CNTNAP2: variants seen among roughly 807,000 people sequenced by gnomAD.
CNTNAP2 encodes contactin-associated protein-like 2.
A neutral mutation model predicts 155.2 loss-of-function variants in CNTNAP2; 98 were observed. The observed-to-expected ratio is 0.63, with a 90% CI of 0.54 to 0.75. CNTNAP2 has a LOEUF of 0.75. CNTNAP2 is among the 30% of genes least tolerant of loss of function. The probability of loss-of-function intolerance (pLI) is 0.00; values close to 1 mark genes in which losing one functional copy is unlikely to be tolerated. For missense variants in CNTNAP2, 1,727 were observed against 1,688.1 expected (o/e 1.02, Z -0.40); for synonymous variants, 651 against 631.2 (o/e 1.03, Z -0.47).
In CNTNAP2 at chr7:147,229,102, CT is replaced by C. The variant is rs201671579; in HGVS notation, c.1349-71038del. On this transcript the variant is annotated intron_variant, in intron 8 of 23. Transcript: ENST00000361727. ...AACTCTTAAATCCTAATATGCAAAT[CT>C]AACCTGGGAAAACCATTACACTGGT... Among the ~76,000 whole-genome samples the C allele has an allele frequency of 3.9e-3, 600 of 152,110 alleles. 4 individuals are homozygous for C. The highest frequency in any genetic ancestry group is 0.014 in the African/African-American group (567 of 41,476).
At chr7:146,921,105 G>A (rs1796489486) in intron 3 of CNTNAP2, among the ~76,000 whole-genome samples, 1 of 152,248 alleles carries the variant, frequency 6.6e-6, no homozygotes, top group African/African-American at 2.4e-5. Context: ...ACACAAAACA[G>A]ATCATTGGTT....
chr7:146,219,510 A>G (rs1022946070), intron 1 of CNTNAP2, among the ~76,000 whole-genome samples: 6 of 152,316 alleles, frequency 3.9e-5, no homozygotes, highest in East Asian at 1.9e-4. Context: ...AAACTTTTCC[A>G]TCTTCATAAA....
intron 15 of CNTNAP2, among the ~76,000 whole-genome samples, chr7:148,111,517 CA>C (rs1441027505): frequency 1.4e-5 from 2 of 147,412 alleles, no homozygotes; most frequent in South Asian, 2.1e-4. Context: ...GGAAAAAGAT[CA>C]AAATGTGGAA....
intron 12 of CNTNAP2, among the ~76,000 whole-genome samples, chr7:147,574,242 T>C (rs938220717): frequency 6.6e-6 from 1 of 152,114 alleles, no homozygotes; most frequent in Non-Finnish European, 1.5e-5. Flanking sequence ...AACATCTTTT[T>C]TTCCCTTCTT....
intron 3 of CNTNAP2, among the ~76,000 whole-genome samples, chr7:147,037,185 A>G (rs1259961718): frequency 2.0e-5 from 3 of 152,104 alleles, no homozygotes; most frequent in African/African-American, 4.8e-5. Flanking sequence ...AAATATGAAC[A>G]CTATATTAGA....
intron 1 of CNTNAP2, among the ~76,000 whole-genome samples, chr7:146,206,816 A>G (rs957289011): frequency 6.6e-6 from 1 of 152,024 alleles, no homozygotes; most frequent in East Asian, 1.9e-4. Flanking sequence ...ATGATGCTGT[A>G]TGGTAATGGC....
intron 3 of CNTNAP2, among the ~76,000 whole-genome samples, chr7:146,913,723 G>A (rs189246888): frequency 2.0e-4 from 31 of 151,896 alleles, no homozygotes; most frequent in Admixed American, 9.2e-4. Flanking sequence ...TCCTAATGGC[G>A]TCACATAGAT....
chr7:146,765,473 G>T (rs575432121), intron 1 of CNTNAP2, among the ~76,000 whole-genome samples: 3 of 152,280 alleles, frequency 2.0e-5, no homozygotes, highest in South Asian at 4.1e-4. Context: ...ACTTTGCCTT[G>T]CTTGCTTTTA....
chr7:148,097,329 C>A (rs549710747), intron 15 of CNTNAP2, among the ~76,000 whole-genome samples: 1 of 108,188 alleles, frequency 9.2e-6, no homozygotes, highest in East Asian at 3.0e-4. Context: ...AAATTCAGCT[C>A]GTGTCATTTG....
At chr7:147,543,873 G>A (rs1450863533) in intron 11 of CNTNAP2, among the ~76,000 whole-genome samples, 3 of 152,272 alleles carry the variant, frequency 2.0e-5, no homozygotes, top group Non-Finnish European at 2.9e-5. Flanking sequence ...GAGAGGCTAA[G>A]TAACCTCTTG....
intron 14 of CNTNAP2, among the ~76,000 whole-genome samples, chr7:147,933,494 G>GAGGT (rs1554451554): frequency 8.3e-6 from 1 of 120,656 alleles, no homozygotes; most frequent in Non-Finnish European, 1.8e-5. Context: ...CAGAAAATGT[G>GAGGT]AGATAGATAG....
chr7:147,877,922 TAC>T (rs1213815580), intron 13 of CNTNAP2, among the ~76,000 whole-genome samples: 3 of 152,236 alleles, frequency 2.0e-5, no homozygotes, highest in Non-Finnish European at 4.4e-5. Flanking sequence ...TACCATTTAA[TAC>T]CCTACATTGG....
chr7:147,176,165 T>C (rs1802334659), intron 8 of CNTNAP2, among the ~76,000 whole-genome samples: 1 of 152,192 alleles, frequency 6.6e-6, no homozygotes, highest in African/African-American at 2.4e-5. Context: ...TTTTGGAAGT[T>C]ACTTGGCTCT....
At chr7:146,493,926 C>G (rs1797175038) in intron 1 of CNTNAP2, among the ~76,000 whole-genome samples, 1 of 152,098 alleles carries the variant, frequency 6.6e-6, no homozygotes, top group Non-Finnish European at 1.5e-5. Flanking sequence ...ACAGTGTACC[C>G]TGCTTGAGTG....
intron 1 of CNTNAP2, among the ~76,000 whole-genome samples, chr7:146,627,837 T>TG (rs1799445308): frequency 6.6e-6 from 1 of 152,082 alleles, no homozygotes; most frequent in Admixed American, 6.6e-5. Flanking sequence ...AGCACCAAAA[T>TG]GGAAAAAATA....
chr7:147,782,434 G>A (rs900834480), intron 13 of CNTNAP2, among the ~76,000 whole-genome samples: 1 of 152,090 alleles, frequency 6.6e-6, no homozygotes, highest in Admixed American at 6.5e-5. Flanking sequence ...TAATAGAAAT[G>A]TATTGCTCAT....
chr7:146,384,091 G>A (rs986190917), intron 1 of CNTNAP2, among the ~76,000 whole-genome samples: 5 of 152,012 alleles, frequency 3.3e-5, no homozygotes, highest in Non-Finnish European at 7.4e-5. Context: ...AGTCTCCTGC[G>A]GAGAAAGGAA....
intron 17 of CNTNAP2, among the ~76,000 whole-genome samples, chr7:148,156,604 T>C (rs1447267624): frequency 1.3e-5 from 2 of 152,176 alleles, no homozygotes; most frequent in Non-Finnish European, 2.9e-5. Flanking sequence ...CCAATGTCTC[T>C]CAAATTTAAA....
intron 8 of CNTNAP2, among the ~76,000 whole-genome samples, chr7:147,277,813 G>A (rs899859185): frequency 2.0e-5 from 3 of 150,638 alleles, no homozygotes; most frequent in Admixed American, 6.6e-5. Flanking sequence ...ATTGATAGTG[G>A]CCACAATAAT....
Sources: allele counts gnomAD v4.1 joint callset (sites outside exome capture counted in the v4.1 genomes callset), GRCh38; gene constraint gnomAD v4.1.1; transcripts MANE v1.5; gene names NCBI Gene and HGNC (gene_info 2026-07-23, HGNC 2026-07-21).